Variants in RNF212B observed in about 807,000 individuals in gnomAD.
RNF212B encodes E3 ubiquitin-protein ligase RNF212B.
Under a neutral mutation model 55.5 loss-of-function variants are expected in RNF212B, and 52 were observed. That is an observed-to-expected ratio of 0.94 (90% CI 0.75 to 1.18). The LOEUF (loss-of-function observed/expected upper bound fraction) is 1.18, where lower values mean the gene tolerates loss of function less well. Among genes scored for constraint, RNF212B ranks in the 50% most tolerant of loss-of-function variants. RNF212B has a pLI of 0.00. For missense variants in RNF212B, 289 were observed against 350.4 expected, an observed-to-expected ratio of 0.82 and a Z score of 1.40; for synonymous variants, 99 against 121.4, an observed-to-expected ratio of 0.82 and a Z score of 1.21.
At chr14:23,268,528 T>G (rs1195903310) in intron 11 of RNF212B, among the ~76,000 whole-genome samples, 1 of 152,222 alleles carries the variant, frequency 6.6e-6, no homozygotes, top group East Asian at 1.9e-4. Flanking sequence ...TCTCATTGCT[T>G]TTATGGAGGA....
chr14:23,258,066 C>T (rs748981201), intron 4 of RNF212B, among the ~76,000 whole-genome samples: 1 of 152,076 alleles, frequency 6.6e-6, no homozygotes, highest in African/African-American at 2.4e-5. Context: ...GGGCCGGGTG[C>T]GGTGGCTCAC....
In RNF212B at chr14:23,273,166, C is replaced by CA; in HGVS notation, c.*282dup. 1 of 271,898 alleles carries CA rather than the reference C, an allele frequency of 3.7e-6. No individual in the cohort carries two copies. The highest frequency in any genetic ancestry group is 6.9e-6 in the Non-Finnish European group (1 of 143,926). 16.8% of individuals were successfully genotyped at this position (271,898 alleles called of 1,614,324 possible). On this transcript the variant is annotated 3_prime_UTR_variant, in exon 15 of 15. Transcript: ENST00000430154. ...ATTTCCTACAATTTGGAACAAAGGTCAAAAAAATAATTCTTGGCATCATGC... is the reference window on the plus strand; with the variant it reads ...ATTTCCTACAATTTGGAACAAAGGTCAAAAAAAATAATTCTTGGCATCATGC...
At chr14:23,186,889 T>C (rs936256270) in intron 1 of RNF212B, among the ~76,000 whole-genome samples, 1 of 152,232 alleles carries the variant, frequency 6.6e-6, no homozygotes, top group African/African-American at 2.4e-5. Context: ...TTCAGGATGC[T>C]ATAGCTACTG....
chr14:23,202,882 T>A (rs1190097765), intron 2 of RNF212B, among the ~76,000 whole-genome samples: 1 of 151,956 alleles, frequency 6.6e-6, no homozygotes, highest in African/African-American at 2.4e-5. Context: ...GCTGTGAGTG[T>A]TTAAAATTTA....
intron 4 of RNF212B, among the ~76,000 whole-genome samples, chr14:23,250,387 G>T (rs1407869376): frequency 1.3e-5 from 2 of 151,190 alleles, no homozygotes; most frequent in African/African-American, 2.4e-5. Flanking sequence ...GGAGGCTGAG[G>T]CATGAGAATT....
At chr14:23,272,189 G>A (rs1228873168) in intron 14 of RNF212B, among the ~76,000 whole-genome samples, 2 of 152,080 alleles carry the variant, frequency 1.3e-5, no homozygotes, top group Non-Finnish European at 2.9e-5. Context: ...AGGCCGAGGC[G>A]GGCGGATTAT....
rs1453089541 is a variant in RNF212B at position 23,189,636 on chromosome 14, C to T, written c.-78-3689C>T. ...TGGGCAATATAGCAAAACCTTGTTT[C>T]TACTAAAAATTAAAAAAAAAAAATT... On this transcript the variant is annotated intron_variant, in intron 1 of 15. Coordinates refer to the RNF212B transcript ENST00000399910. 4.0e-5 allele frequency among the ~76,000 whole-genome samples: 6 copies of T among 151,684 alleles called. No individual in the cohort carries two copies. The East Asian group carries it at 1.2e-3, about 29-fold the overall frequency.
In RNF212B at chr14:23,255,311, A is replaced by G. The variant is rs545092873; in HGVS notation, c.229-3238A>G. 2.6e-5 allele frequency among the ~76,000 whole-genome samples: 4 copies of G among 152,322 alleles called. No homozygotes were observed. The South Asian group carries it at 6.2e-4, about 24-fold the overall frequency. ...AATCAAAGCCAGTTAATATCTTTAAACTAAATTTGTTGTAATTTTGTATTT... is the reference window on the plus strand; with the variant it reads ...AATCAAAGCCAGTTAATATCTTTAAGCTAAATTTGTTGTAATTTTGTATTT... On this transcript the variant is annotated intron_variant, in intron 4 of 14. Coordinates refer to ENST00000430154, the MANE Select transcript of RNF212B (RefSeq NM_001282322.3).
intron 2 of RNF212B, among the ~76,000 whole-genome samples, chr14:23,228,621 C>A (rs1320949516): frequency 6.6e-6 from 1 of 151,776 alleles, no homozygotes; most frequent in Non-Finnish European, 1.5e-5. Context: ...CGCAATCCAG[C>A]CTGGGTGACA....
chr14:23,236,962 T>TC (rs1491120284), upstream of RNF212B, among the ~76,000 whole-genome samples: 7 of 134,966 alleles, frequency 5.2e-5, no homozygotes, highest in Admixed American at 2.3e-4. Flanking sequence ...TGTCTCTCTC[T>TC]TTTTTTTTTT....
intron 2 of RNF212B, among the ~76,000 whole-genome samples, chr14:23,229,239 T>C (rs1413132565): frequency 1.3e-5 from 1 of 75,350 alleles, no homozygotes. Context: ...TATATATATA[T>C]ATATATATAT....
chr14:23,203,421 T>G (rs1413241169), intron 2 of RNF212B, among the ~76,000 whole-genome samples: 1 of 141,328 alleles, frequency 7.1e-6, no homozygotes, highest in Non-Finnish European at 1.6e-5. Context: ...CTTCTTTTCC[T>G]CTGGGTCTAT....
intron 1 of RNF212B, among the ~76,000 whole-genome samples, chr14:23,189,418 A>T (rs1877902551): frequency 6.6e-6 from 1 of 152,008 alleles, no homozygotes; most frequent in Admixed American, 6.6e-5. Context: ...TTTGCTCTTG[A>T]AATTATTCTC....
intron 2 of RNF212B, among the ~76,000 whole-genome samples, chr14:23,232,596 G>C (rs942837700): frequency 6.6e-6 from 1 of 151,504 alleles, no homozygotes; most frequent in African/African-American, 2.4e-5. Flanking sequence ...GGAGGGAGTT[G>C]GGGGGTCAGC....
At chr14:23,217,971 T>A (rs1881245901) in intron 2 of RNF212B, among the ~76,000 whole-genome samples, 1 of 151,984 alleles carries the variant, frequency 6.6e-6, no homozygotes, top group Non-Finnish European at 1.5e-5. Context: ...TTTAAGGAAC[T>A]CAAAAAAATT....
chr14:23,221,001 CAAT>C (rs2140405537), intron 2 of RNF212B, among the ~76,000 whole-genome samples: 1 of 151,996 alleles, frequency 6.6e-6, no homozygotes, highest in South Asian at 2.1e-4. Flanking sequence ...TGCTATTTAT[CAAT>C]AATAACATTG....
upstream of RNF212B, among the ~76,000 whole-genome samples, chr14:23,233,869 G>A (rs1057490884): frequency 4.6e-5 from 7 of 152,224 alleles, no homozygotes; most frequent in Admixed American, 1.3e-4. Context: ...AGCCAAGGTG[G>A]GCGGATCACC....
In RNF212B at chr14:23,219,753, T is replaced by A. The variant is rs553111360; in HGVS notation, c.-1-20592T>A. Among the ~76,000 whole-genome samples the A allele has an allele frequency of 3.3e-4, 50 of 151,986 alleles. No homozygotes were observed. In the South Asian group the frequency reaches 4.0e-3, roughly 12 times the overall value. On this transcript the variant is annotated intron_variant, in intron 2 of 15. Transcript: ENST00000399910. ...TCCCAAAGTGCTGGGATTACAGACA[T>A]GAGCCACCACTCCCAGCCTTTATTA...
rs182177771 is a variant in RNF212B at position 23,188,964 on chromosome 14, A to G, written c.-79+3474A>G. ...TAATTACCAAATGACTCCTTGATAT[A>G]CCAACTAATTGTAGCAAGATGTAGC... is the stretch of plus-strand genomic sequence containing the variant. On this transcript the variant is annotated intron_variant, in intron 1 of 15. Transcript: ENST00000399910. 1.1e-4 allele frequency among the ~76,000 whole-genome samples: 17 copies of G among 152,354 alleles called. 1 individual carries two copies. The East Asian group carries it at 3.3e-3, about 29-fold the overall frequency.
Sources: allele counts gnomAD v4.1 joint callset (sites outside exome capture counted in the v4.1 genomes callset), GRCh38; gene constraint gnomAD v4.1.1; transcripts MANE v1.5; gene names NCBI Gene and HGNC (gene_info 2026-07-23, HGNC 2026-07-21).